The following ULK4 variants were observed in gnomAD, a reference collection of about 807,000 sequenced individuals.
ULK4 encodes the protein unc-51 like kinase 4.
A neutral mutation model predicts 160.6 loss-of-function variants in ULK4; 133 were observed. The ratio of observed to expected loss-of-function variants is 0.83; its 90% CI spans 0.72 to 0.96. ULK4 has a LOEUF of 0.96. ULK4 is among the 40% of genes least tolerant of loss of function. The pLI, the probability that ULK4 is intolerant of heterozygous loss-of-function variation, is 0.00. For synonymous variants in ULK4, 534 were observed against 539.8 expected (o/e 0.99, Z 0.15); for missense variants, 1,580 against 1,499.5 (o/e 1.05, Z -0.89).
chr3:41,783,961 C>T (rs1455690377), intron 21 of ULK4, among the ~76,000 whole-genome samples: 1 of 152,086 alleles, frequency 6.6e-6, no homozygotes, highest in Non-Finnish European at 1.5e-5. Flanking sequence ...GTTTGGAGTA[C>T]AAGGATTAGT....
chr3:41,801,846 G>A (rs991343262), intron 19 of ULK4, among the ~76,000 whole-genome samples: 2 of 151,588 alleles, frequency 1.3e-5, no homozygotes, highest in African/African-American at 2.4e-5. Context: ...GCAAGACCCT[G>A]TCTCAAAAAT....
chr3:41,772,788 T>C (rs910755806), intron 21 of ULK4, among the ~76,000 whole-genome samples: 2 of 152,168 alleles, frequency 1.3e-5, no homozygotes, highest in African/African-American at 4.8e-5. Context: ...TTTAGACCAA[T>C]ATCCCTGATG....
At chr3:41,497,662 T>C (rs1008848703) in intron 32 of ULK4, among the ~76,000 whole-genome samples, 4 of 152,124 alleles carry the variant, frequency 2.6e-5, no homozygotes, top group African/African-American at 9.6e-5. Flanking sequence ...ATTGATGATA[T>C]AAGGGTCATC....
intron 31 of ULK4, among the ~76,000 whole-genome samples, chr3:41,591,186 C>T (rs2031276747): frequency 6.6e-6 from 1 of 152,088 alleles, no homozygotes; most frequent in Non-Finnish European, 1.5e-5. Flanking sequence ...CAATGAAAAG[C>T]AACTTTGAAG....
intron 21 of ULK4, among the ~76,000 whole-genome samples, chr3:41,761,091 G>A (rs2038967917): frequency 6.6e-6 from 1 of 152,144 alleles, no homozygotes; most frequent in African/African-American, 2.4e-5. Context: ...GGACTGGGAT[G>A]GAGGGTGGTT....
intron 32 of ULK4, among the ~76,000 whole-genome samples, chr3:41,562,033 T>A (rs776905158): frequency 6.6e-6 from 1 of 152,244 alleles, no homozygotes. Flanking sequence ...CTGCTTTTAA[T>A]GTGTCCCAGA....
chr3:41,405,957 A>G (rs1404874223), intron 34 of ULK4, among the ~76,000 whole-genome samples: 1 of 151,870 alleles, frequency 6.6e-6, no homozygotes, highest in Non-Finnish European at 1.5e-5. Context: ...GCTGTACTGA[A>G]GCTCTTTAGT....
chr3:41,800,361 T>A (rs868375849), intron 19 of ULK4, 68 bp from the exon 20 acceptor site: 89 of 1,477,316 alleles, frequency 6.0e-5, no homozygotes, highest in Non-Finnish European at 8.0e-5. Context: ...TTTATGACCA[T>A]TGTAAATAAT....
intron 27 of ULK4, among the ~76,000 whole-genome samples, chr3:41,684,494 C>T (rs1195762063): frequency 2.0e-5 from 3 of 152,174 alleles, no homozygotes; most frequent in Non-Finnish European, 4.4e-5. Context: ...ATCTAGCATC[C>T]AGAAGGTGGG....
intron 22 of ULK4, among the ~76,000 whole-genome samples, chr3:41,749,239 T>G (rs374859511): frequency 1.1e-3 from 170 of 152,266 alleles, no homozygotes; most frequent in African/African-American, 3.9e-3. Flanking sequence ...TCCCAGCACT[T>G]TGGGAGGCCA....
At chr3:41,772,728 G>C (rs988119352) in intron 21 of ULK4, among the ~76,000 whole-genome samples, 17 of 152,170 alleles carry the variant, frequency 1.1e-4, no homozygotes, top group Non-Finnish European at 1.3e-4. Context: ...TATGAGGCCA[G>C]CATCATCCTG....
At chr3:41,934,417 G>A (rs1290441741) in intron 4 of ULK4, among the ~76,000 whole-genome samples, 1 of 151,956 alleles carries the variant, frequency 6.6e-6, no homozygotes, top group Admixed American at 6.6e-5. Flanking sequence ...TCTTTCCTTG[G>A]CACATATTAA....
intron 32 of ULK4, among the ~76,000 whole-genome samples, chr3:41,549,065 A>G (rs888737789): frequency 6.6e-6 from 1 of 152,198 alleles, no homozygotes; most frequent in Non-Finnish European, 1.5e-5. Context: ...AAGAAACCCA[A>G]TCTGAAAAAT....
At chr3:41,263,178 T>C (rs770801774) in intron 35 of ULK4, among the ~76,000 whole-genome samples, 1 of 152,092 alleles carries the variant, frequency 6.6e-6, no homozygotes, top group Non-Finnish European at 1.5e-5. Context: ...TGGGATAGCT[T>C]CGGTCATAAG....
chr3:41,690,199 C>A (rs1406014916), intron 27 of ULK4, among the ~76,000 whole-genome samples: 1 of 149,650 alleles, frequency 6.7e-6, no homozygotes, highest in Non-Finnish European at 1.5e-5. Context: ...GAACAAAAAA[C>A]CAAACACCGC....
At chr3:41,309,681 C>T (rs956450359) in intron 35 of ULK4, among the ~76,000 whole-genome samples, 1 of 151,856 alleles carries the variant, frequency 6.6e-6, no homozygotes, top group African/African-American at 2.4e-5. Context: ...TTTAGAATAC[C>T]ATAATTTTAG....
intron 22 of ULK4, among the ~76,000 whole-genome samples, chr3:41,751,336 T>C (rs1189337908): frequency 2.6e-5 from 4 of 152,150 alleles, no homozygotes; most frequent in Non-Finnish European, 4.4e-5. Context: ...GTAGAAAGCA[T>C]CTGCATTTTA....
intron 34 of ULK4, among the ~76,000 whole-genome samples, chr3:41,454,755 C>T (rs528807718): frequency 1.3e-4 from 19 of 151,972 alleles, no homozygotes; most frequent in Middle Eastern, 3.4e-3. Context: ...TGAAGTGGCA[C>T]GATCTTGGTT....
chr3:41,437,127 G>C (rs538058793), intron 34 of ULK4, among the ~76,000 whole-genome samples: 47 of 152,268 alleles, frequency 3.1e-4, no homozygotes, highest in Middle Eastern at 3.4e-3. Flanking sequence ...CCACTCAACA[G>C]AACAGTATTC....
Sources: allele counts gnomAD v4.1 joint callset (sites outside exome capture counted in the v4.1 genomes callset), GRCh38; gene constraint gnomAD v4.1.1; transcripts MANE v1.5; gene names NCBI Gene and HGNC (gene_info 2026-07-23, HGNC 2026-07-21).